The following WDFY2 variants were observed in gnomAD, a reference collection of about 807,000 sequenced individuals.
WDFY2 encodes WD repeat and FYVE domain-containing protein 2.
Under a neutral mutation model 56.4 loss-of-function variants are expected in WDFY2, and 36 were observed. The observed-to-expected ratio is 0.64, with a 90% CI of 0.49 to 0.84. The LOEUF (loss-of-function observed/expected upper bound fraction) is 0.84, where lower values mean the gene tolerates loss of function less well. Ranked by LOEUF, WDFY2 falls within the 40% of genes least tolerant of loss-of-function variation. WDFY2 has a pLI of 0.00. For synonymous variants in WDFY2, 176 were observed against 183.7 expected (o/e 0.96, Z 0.34); for missense variants, 444 against 512.2 (o/e 0.87, Z 1.29).
chr13:51,620,184 C>A (rs955019649), intron 1 of WDFY2, among the ~76,000 whole-genome samples: 1 of 113,464 alleles, frequency 8.8e-6, no homozygotes, highest in Admixed American at 1.4e-4. Context: ...CTATGCTTCT[C>A]ATATTTCCTC....
intron 4 of WDFY2, among the ~76,000 whole-genome samples, chr13:51,712,107 C>T (rs1952233128): frequency 6.6e-6 from 1 of 152,156 alleles, no homozygotes; most frequent in African/African-American, 2.4e-5. Context: ...CCATGGAATA[C>T]TATGCAGCCA....
chr13:51,739,259 G>A, intron 7 of WDFY2, 84 bp downstream of exon 7: 1 of 1,412,852 alleles, frequency 7.1e-7, no homozygotes, highest in Non-Finnish European at 9.3e-7. Flanking sequence ...CCCAGTCTGT[G>A]GCAGGATCTT....
chr13:51,751,317 G>A lies in WDFY2; in HGVS notation c.733G>A (p.Val245Ile). 6.2e-7 allele frequency: 1 copy of A among 1,613,660 alleles called. No homozygotes were observed. The highest frequency in any genetic ancestry group is 8.5e-7 in the Non-Finnish European group (1 of 1,179,722). ...CCTTGGTTTCTTTCACAGCGACAGA[G>A]TCCAGGCCCTCTCCTATGCACAGCA... is the stretch of plus-strand genomic sequence containing the variant. ...AIELQGHNDR[V>I]QALSYAQHTR... The change falls in exon 8 of 12, where the codon GTC (valine) becomes ATC (isoleucine). Residue 245 changes from valine to isoleucine, a missense_variant. By Grantham distance (29) the Val-to-Ile change is conservative. Transcript: ENST00000298125.
intron 1 of WDFY2, among the ~76,000 whole-genome samples, chr13:51,601,576 G>A (rs891212520): frequency 1.3e-5 from 2 of 152,014 alleles, no homozygotes; most frequent in African/African-American, 4.8e-5. Flanking sequence ...CACCATGCCC[G>A]GCTAATTTTT....
At chr13:51,616,221 A>C (rs1200825504) in intron 1 of WDFY2, among the ~76,000 whole-genome samples, 1 of 152,218 alleles carries the variant, frequency 6.6e-6, no homozygotes, top group Non-Finnish European at 1.5e-5. Flanking sequence ...TGGGCAACAG[A>C]ATAAGACCCT....
chr13:51,762,835 G>A lies in WDFY2; in HGVS notation c.*3066G>A, dbSNP rs1953629593. On this transcript the variant is annotated 3_prime_UTR_variant, in exon 12 of 12. Coordinates refer to ENST00000298125, the MANE Select transcript of WDFY2 (RefSeq NM_052950.4). ...AGTGGCAGATCTACACATATCATAC[G>A]CAGAGTTGTTCTCTACCTGATGGGG... 2.0e-5 allele frequency: 3 copies of A among 152,174 alleles called. No homozygotes were observed. Among genetic ancestry groups the A allele is most frequent in the Non-Finnish European group, 2.9e-5 (2 of 68,046 alleles). The allele number at this position is 152,174 out of a possible 1,614,324, so 9.4% of individuals were successfully genotyped here.
chr13:51,609,908 A>G (rs1003041042), intron 1 of WDFY2, among the ~76,000 whole-genome samples: 3 of 152,174 alleles, frequency 2.0e-5, no homozygotes, highest in African/African-American at 7.2e-5. Flanking sequence ...TCTTAAGTCT[A>G]TTCTGCTTTG....
At chr13:51,601,813 C>T (rs542160161) in intron 1 of WDFY2, among the ~76,000 whole-genome samples, 7 of 152,310 alleles carry the variant, frequency 4.6e-5, no homozygotes, top group South Asian at 2.1e-4. Flanking sequence ...CTCCATGAGG[C>T]GCTCTGGAAG....
At chr13:51,740,597 C>T (rs1228973202) in intron 7 of WDFY2, among the ~76,000 whole-genome samples, 1 of 151,970 alleles carries the variant, frequency 6.6e-6, no homozygotes, top group Non-Finnish European at 1.5e-5. Flanking sequence ...GCCTGTAATC[C>T]CAGCTACTCG....
At chr13:51,640,527 A>G (rs1045516670) in intron 1 of WDFY2, among the ~76,000 whole-genome samples, 5 of 152,220 alleles carry the variant, frequency 3.3e-5, no homozygotes, top group African/African-American at 1.2e-4. Context: ...CTGGTTCCAC[A>G]TACCCTAGTG....
Position 51,627,335 on chromosome 13 carries a change from T to C in WDFY2, c.138-33261T>C, listed in dbSNP as rs9526784. Reference sequence around the variant, plus strand: ...GTTTCAGCCCTGTTTGTTTTGCAGCTTTTTCAGGACCTCCATTTGACGGGT... The same window carrying C: ...GTTTCAGCCCTGTTTGTTTTGCAGCCTTTTCAGGACCTCCATTTGACGGGT... On this transcript the variant is annotated intron_variant, in intron 1 of 11. Transcript: ENST00000298125. Among the ~76,000 whole-genome samples the C allele has an allele frequency of 4.6e-3, 698 of 152,170 alleles. 3 individuals carry two copies. The highest frequency in any genetic ancestry group is 8.4e-3 in the Non-Finnish European group (572 of 67,998).
At chr13:51,700,672 A>T (rs1951964370) in intron 3 of WDFY2, among the ~76,000 whole-genome samples, 1 of 152,254 alleles carries the variant, frequency 6.6e-6, no homozygotes, top group African/African-American at 2.4e-5. Flanking sequence ...AGGAATATTA[A>T]AGTAATATTA....
rs1953734860 is a variant in WDFY2 at position 51,765,987 on chromosome 13, G to A, written c.*6218G>A. The stretch of plus-strand genomic sequence containing the variant: ...ATGATTCTTTTTTCCCTTGGTTCTC[G>A]GGGATGCATGAGAAGGTGAGCTGTC... On this transcript the variant is annotated 3_prime_UTR_variant, in exon 12 of 12. Transcript: ENST00000298125. 1 of 151,980 alleles carries A rather than the reference G, an allele frequency of 6.6e-6. No individual in the cohort carries two copies. Among genetic ancestry groups the A allele is most frequent in the Non-Finnish European group, 1.5e-5 (1 of 68,010 alleles). The allele number at this position is 151,980 out of a possible 1,614,324, so 9.4% of individuals were successfully genotyped here.
intron 1 of WDFY2, chr13:51,586,555 GTTA>G: frequency 6.6e-6 from 1 of 152,334 alleles, no homozygotes; most frequent in East Asian, 1.9e-4. Context: ...ATATTAAGGT[GTTA>G]TTATAGTATT....
intron 3 of WDFY2, among the ~76,000 whole-genome samples, chr13:51,679,475 T>C (rs1955942031): frequency 6.6e-6 from 1 of 152,194 alleles, no homozygotes; most frequent in African/African-American, 2.4e-5. Flanking sequence ...GTGTGTGTTA[T>C]GGGAAGTTTG....
chr13:51,737,302 C>T (rs1952859062), intron 6 of WDFY2, among the ~76,000 whole-genome samples: 1 of 152,042 alleles, frequency 6.6e-6, no homozygotes, highest in East Asian at 1.9e-4. Flanking sequence ...TCTAATTAAC[C>T]CATTTAATCT....
At chr13:51,611,615 T>C (rs1193412822) in intron 1 of WDFY2, among the ~76,000 whole-genome samples, 1 of 152,248 alleles carries the variant, frequency 6.6e-6, no homozygotes, top group East Asian at 1.9e-4. Flanking sequence ...TCTTTCTTGC[T>C]GGTCGAACCT....
At chr13:51,694,830 A>G (rs1210893676) in intron 3 of WDFY2, among the ~76,000 whole-genome samples, 1 of 152,064 alleles carries the variant, frequency 6.6e-6, no homozygotes, top group Non-Finnish European at 1.5e-5. Flanking sequence ...AATCAGACGT[A>G]GATTTGGTCT....
intron 1 of WDFY2, among the ~76,000 whole-genome samples, chr13:51,602,499 A>G (rs1213432015): frequency 6.6e-6 from 1 of 152,170 alleles, no homozygotes; most frequent in Admixed American, 6.5e-5. Context: ...GTACTAGTTT[A>G]TTTTTCTCAC....
Sources: gnomAD v4.1 joint callset for allele counts (sites outside exome capture counted in the v4.1 genomes callset) on GRCh38, gnomAD v4.1.1 for gene constraint, MANE v1.5 for transcripts, NCBI Gene and HGNC (gene_info 2026-07-23, HGNC 2026-07-21) for gene names.